Variants in HDAC4 observed in about 807,000 individuals in gnomAD.
HDAC4 encodes histone deacetylase A.
A neutral mutation model predicts 135.1 loss-of-function variants in HDAC4; 16 were observed. The observed-to-expected ratio is 0.12, with a 90% CI of 0.08 to 0.18. The LOEUF (loss-of-function observed/expected upper bound fraction) is 0.18, where lower values mean the gene tolerates loss of function less well. HDAC4 is among the 10% of genes least tolerant of loss of function. The pLI, the probability that HDAC4 is intolerant of heterozygous loss-of-function variation, is 1.00. For synonymous variants in HDAC4, 685 were observed against 653.4 expected, an observed-to-expected ratio of 1.05 and a Z score of -0.74; for missense variants, 1,143 against 1,511.8, an observed-to-expected ratio of 0.76 and a Z score of 4.05.
At position 239,349,875 on chromosome 2, in the gene HDAC4, C is replaced by CCT. The variant is rs1174952591; in HGVS notation, c.22+2801_22+2802dup. On this transcript the variant is annotated intron_variant, in intron 2 of 26. Transcript: ENST00000543185. This position sits in a 1 kb window ranked among gnomAD's most constrained non-coding sequence, Gnocchi z 5.7. ...GGGCTGGGCCAAGGGGCAGCCCTGC[C>CCT]CTCACCAGTGCGGCCTGTCTTCAGC... is the stretch of plus-strand genomic sequence containing the variant. 6.6e-6 allele frequency among the ~76,000 whole-genome samples: 1 copy of CCT among 152,202 alleles called. No homozygotes were observed. The highest frequency in any genetic ancestry group is 2.4e-5 in the African/African-American group (1 of 41,460).
chr2:239,257,918 A>G (rs1302546848), intron 2 of HDAC4, among the ~76,000 whole-genome samples: 1 of 152,232 alleles, frequency 6.6e-6, no homozygotes, highest in African/African-American at 2.4e-5. Context: ...ATTCTGAGAA[A>G]GAGACTTTGT....
At chr2:239,185,272 G>A (rs1039480599) in intron 4 of HDAC4, among the ~76,000 whole-genome samples, 1 of 151,840 alleles carries the variant, frequency 6.6e-6, no homozygotes, top group African/African-American at 2.4e-5. Flanking sequence ...GGGTGCCTCG[G>A]TGTCTTCTGG....
At chr2:239,179,858 G>A (rs73002064) in intron 4 of HDAC4, among the ~76,000 whole-genome samples, 167 of 152,392 alleles carry the variant, frequency 1.1e-3, no homozygotes, top group Admixed American at 2.0e-3. Context: ...TACAGGGCTC[G>A]CTGCTCCAAG....
At chr2:239,398,595 G>A (rs1696722708) in intron 1 of HDAC4, among the ~76,000 whole-genome samples, 1 of 152,240 alleles carries the variant, frequency 6.6e-6, no homozygotes, top group African/African-American at 2.4e-5. Flanking sequence ...TGGGCTGCCT[G>A]AGCCGCACGT....
At position 239,324,800 on chromosome 2, in the gene HDAC4, C is replaced by T. The variant is rs926236426; in HGVS notation, c.22+27878G>A. 7.2e-5 allele frequency among the ~76,000 whole-genome samples: 11 copies of T among 152,300 alleles called. No homozygotes were observed. The South Asian group carries it at 8.3e-4, about 11-fold the overall frequency. ...CGTGGGCGAGGTGCTGCTGTAGGGA[C>T]GCAGCGACAGGGACGGGAGCCAAAG... On this transcript the variant is annotated intron_variant, in intron 2 of 26. Coordinates refer to ENST00000543185, the MANE Select transcript of HDAC4 (RefSeq NM_001378414.1).
At chr2:239,239,127 C>T (rs1022150736) in intron 2 of HDAC4, among the ~76,000 whole-genome samples, 1 of 152,154 alleles carries the variant, frequency 6.6e-6, no homozygotes, top group Non-Finnish European at 1.5e-5. Flanking sequence ...ACAATAACTG[C>T]CCAGAGCTAG....
At chr2:239,170,473 A>G (rs1291739840) in intron 5 of HDAC4, among the ~76,000 whole-genome samples, 2 of 152,244 alleles carry the variant, frequency 1.3e-5, no homozygotes, top group Non-Finnish European at 2.9e-5. Flanking sequence ...CCAATTTCAC[A>G]ATCTAAAAAT....
intron 2 of HDAC4, among the ~76,000 whole-genome samples, chr2:239,327,946 G>C (rs1357917503): frequency 2.0e-5 from 3 of 152,200 alleles, no homozygotes; most frequent in African/African-American, 7.2e-5. Flanking sequence ...GGCCTGGGGT[G>C]GCTGCCATTT....
At chr2:239,203,160 C>T (rs1232690552) in intron 3 of HDAC4, among the ~76,000 whole-genome samples, 3 of 152,142 alleles carry the variant, frequency 2.0e-5, no homozygotes, top group Non-Finnish European at 4.4e-5. Context: ...AGCAAGAGAG[C>T]GGGAAACACC....
intron 1 of HDAC4, among the ~76,000 whole-genome samples, chr2:239,397,392 G>C (rs999839833): frequency 7.2e-5 from 11 of 152,204 alleles, no homozygotes; most frequent in Non-Finnish European, 1.6e-4. Context: ...AGCTACGGGA[G>C]CACGTGACAG....
chr2:239,097,885 C>T (rs922238521), intron 16 of HDAC4, among the ~76,000 whole-genome samples: 1 of 152,208 alleles, frequency 6.6e-6, no homozygotes. Context: ...GGAGTGGCTC[C>T]GTGGGCCACG....
At chr2:239,367,531 CA>C (rs1024199523) in intron 1 of HDAC4, among the ~76,000 whole-genome samples, 1 of 152,052 alleles carries the variant, frequency 6.6e-6, no homozygotes, top group African/African-American at 2.4e-5. Context: ...CAAAATGCTC[CA>C]AAATCTGAAA....
At chr2:239,347,462 T>C (rs140506497) in intron 2 of HDAC4, among the ~76,000 whole-genome samples, 3 of 152,322 alleles carry the variant, frequency 2.0e-5, no homozygotes, top group Non-Finnish European at 2.9e-5. Flanking sequence ...TAAGAAATCA[T>C]AGAATGGCCC....
chr2:239,296,893 T>A (rs1328390469), intron 2 of HDAC4, among the ~76,000 whole-genome samples: 1 of 152,002 alleles, frequency 6.6e-6, no homozygotes, highest in Non-Finnish European at 1.5e-5. Context: ...CTGGAGCCAT[T>A]TGCCCTAATT....
chr2:239,239,675 T>A (rs1575494847), intron 2 of HDAC4, among the ~76,000 whole-genome samples: 1 of 152,228 alleles, frequency 6.6e-6, no homozygotes, highest in East Asian at 1.9e-4. Flanking sequence ...GTTCTCGTTG[T>A]GTGCCACTGG....
In HDAC4 at chr2:239,371,752, G is replaced by A. The variant is rs536982476; in HGVS notation, c.-219-18834C>T. On this transcript the variant is annotated intron_variant, in intron 1 of 26. Transcript: ENST00000543185. ...CAGGATGGAGACTGGAGCCTCTGTC[G>A]GCGTGGCCCGGGCCTTTACCTGTGG... Among the ~76,000 whole-genome samples the A allele has an allele frequency of 3.3e-5, 5 of 152,322 alleles. No individual in the cohort carries two copies. In the East Asian group the frequency reaches 9.7e-4, roughly 29 times the overall value.
At chr2:239,059,867 C>A (rs2032417507) in intron 24 of HDAC4, among the ~76,000 whole-genome samples, 1 of 152,056 alleles carries the variant, frequency 6.6e-6, no homozygotes, top group Non-Finnish European at 1.5e-5. Flanking sequence ...GCCTTGGACC[C>A]ACCTACCAGC....
Position 239,298,047 on chromosome 2 carries a change from T to C in HDAC4, c.22+54631A>G, listed in dbSNP as rs980776275. 8.3e-5 allele frequency: 40 copies of C among 483,252 alleles called. 1 individual carries two copies. Among genetic ancestry groups the C allele is most frequent in the South Asian group, 5.8e-4 (36 of 62,464 alleles). 29.9% of individuals were successfully genotyped at this position (483,252 alleles called of 1,614,324 possible). On this transcript the variant is annotated intron_variant, in intron 2 of 26. Transcript: ENST00000543185. ...CAAAAAAAGGCAGGAATTAGCACAATATTGAAGAGATACCTGTGTGTCATG... is the reference window on the plus strand; with the variant it reads ...CAAAAAAAGGCAGGAATTAGCACAACATTGAAGAGATACCTGTGTGTCATG...
At chr2:239,271,751 T>G (rs928724084) in intron 2 of HDAC4, among the ~76,000 whole-genome samples, 2 of 152,224 alleles carry the variant, frequency 1.3e-5, no homozygotes, top group Non-Finnish European at 2.9e-5. Context: ...GCCTCTCTCC[T>G]CAGGATGTGT....
Sources: gnomAD v4.1 joint callset for allele counts (sites outside exome capture counted in the v4.1 genomes callset) on GRCh38, gnomAD v4.1.1 for gene constraint, Gnocchi (gnomAD v3.1) non-coding constraint, MANE v1.5 for transcripts, NCBI Gene and HGNC (gene_info 2026-07-23, HGNC 2026-07-21) for gene names.